KDM1A: variants seen among roughly 807,000 people sequenced by gnomAD.
KDM1A encodes the protein lysine-specific histone demethylase 1A.
In KDM1A, 49 loss-of-function variants were observed where a neutral mutation model predicts 109.4. The ratio of observed to expected loss-of-function variants is 0.45; its 90% CI spans 0.36 to 0.57. KDM1A has a LOEUF of 0.57. Ranked by LOEUF, KDM1A falls within the 20% of genes least tolerant of loss-of-function variation. KDM1A has a pLI of 0.00. For missense variants in KDM1A, 668 were observed against 1,116.6 expected (o/e 0.60, Z 5.73); for synonymous variants, 380 against 415.4 (o/e 0.91, Z 1.04).
intron 2 of KDM1A, among the ~76,000 whole-genome samples, chr1:23,042,628 A>G (rs61333895): frequency 0.065 from 9,629 of 147,802 alleles, 982 homozygotes; most frequent in African/African-American, 0.22. Flanking sequence ...AATTTTTTGT[A>G]TTTTTAGTAG....
chr1:23,053,458 T>C (rs1283952566), intron 4 of KDM1A, among the ~76,000 whole-genome samples: 1 of 152,210 alleles, frequency 6.6e-6, no homozygotes, highest in Non-Finnish European at 1.5e-5. Flanking sequence ...CGATCATGGC[T>C]CACTGCAGCC....
intron 1 of KDM1A, among the ~76,000 whole-genome samples, chr1:23,022,655 T>C (rs1464804589): frequency 9.2e-5 from 12 of 130,732 alleles, no homozygotes; most frequent in African/African-American, 3.2e-4. Context: ...CTTCTTTTTT[T>C]TTTTTTTTTT....
intron 1 of KDM1A, among the ~76,000 whole-genome samples, chr1:23,027,423 T>G (rs1641839535): frequency 6.7e-6 from 1 of 148,304 alleles, no homozygotes; most frequent in Non-Finnish European, 1.5e-5. Flanking sequence ...CTTTTTTTTT[T>G]TTTTTTTTGA....
chr1:23,073,419 TG>T lies in KDM1A; in HGVS notation c.1734+17del. On this transcript the variant is annotated intron_variant, in intron 15 of 20. Transcript: ENST00000400181. Reference sequence around the variant, plus strand: ...CTGGGATCAGGTAAGTTTCCCTTATTGTTTATTTTATTGCACATGCCTTTGA... The same window carrying T: ...CTGGGATCAGGTAAGTTTCCCTTATTTTTATTTTATTGCACATGCCTTTGA... The T allele has an allele frequency of 7.3e-7, 1 of 1,377,836 alleles. No individual in the cohort carries two copies. Among genetic ancestry groups the T allele is most frequent in the Middle Eastern group, 1.8e-4 (1 of 5,652 alleles). 85.4% of individuals were successfully genotyped at this position (1,377,836 alleles called of 1,614,324 possible).
At chr1:23,032,521 A>AT (rs1199074769) in intron 2 of KDM1A, among the ~76,000 whole-genome samples, 2 of 152,124 alleles carry the variant, frequency 1.3e-5, no homozygotes, top group Admixed American at 1.3e-4. Context: ...GGACGTTAAA[A>AT]TTTTAAGTTG....
chr1:23,029,161 G>T (rs1641899949), intron 1 of KDM1A, among the ~76,000 whole-genome samples: 1 of 151,966 alleles, frequency 6.6e-6, no homozygotes, highest in African/African-American at 2.4e-5. Context: ...TATAAAAACA[G>T]CTGGCCATCT....
Position 23,030,621 on chromosome 1 carries a change from T to C in KDM1A, c.504T>C (p.Pro168=). The C allele has an allele frequency of 6.4e-7, 1 of 1,562,452 alleles. No individual in the cohort carries two copies. Among genetic ancestry groups the C allele is most frequent in the Non-Finnish European group, 8.6e-7 (1 of 1,160,666 alleles). ...APPEEENESE[P]EEPSGQAGGL... ...CTGAGGAAGAAAATGAAAGTGAGCC[T>C]GAAGAACCATCGGGTGAGTTGTAGT... The change falls in exon 2 of 21, where the codon CCT becomes CCC. Residue 168 remains proline (P), a synonymous_variant. Transcript: ENST00000400181.
At chr1:23,064,726 G>A (rs1218787450) in intron 9 of KDM1A, among the ~76,000 whole-genome samples, 2 of 152,170 alleles carry the variant, frequency 1.3e-5, no homozygotes, top group Non-Finnish European at 2.9e-5. Flanking sequence ...CTGCATGGGC[G>A]AGACACACAG....
chr1:23,073,523 G>A, intron 15 of KDM1A, 120 bp downstream of exon 15: 1 of 645,794 alleles, frequency 1.5e-6, no homozygotes, highest in Non-Finnish European at 2.8e-6. Flanking sequence ...TTTACATACA[G>A]TGAAATTCAC....
intron 1 of KDM1A, 26 bp downstream of exon 1, chr1:23,019,973 G>A (rs1641567913): frequency 6.8e-7 from 1 of 1,480,712 alleles, no homozygotes; most frequent in Non-Finnish European, 8.9e-7. Flanking sequence ...TCCCTCAAAC[G>A]ACACCGCCTG....
At chr1:23,029,101 G>A (rs987877329) in intron 1 of KDM1A, among the ~76,000 whole-genome samples, 7 of 151,672 alleles carry the variant, frequency 4.6e-5, no homozygotes, top group African/African-American at 1.2e-4. Flanking sequence ...CCAGTCCCCC[G>A]CCCCCAAATC....
At chr1:23,069,535 G>A (rs1643258038) in intron 12 of KDM1A, among the ~76,000 whole-genome samples, 3 of 152,160 alleles carry the variant, frequency 2.0e-5, no homozygotes, top group Admixed American at 1.3e-4. Context: ...TCAGTGTTTT[G>A]AGAAAATTTA....
intron 10 of KDM1A, among the ~76,000 whole-genome samples, chr1:23,067,312 CT>C (rs1193858907): frequency 6.6e-6 from 1 of 152,166 alleles, no homozygotes. Context: ...AGTCCTCTTT[CT>C]TTTTGGGGGC....
intron 6 of KDM1A, 23 bp downstream of exon 6, chr1:23,055,184 A>G (rs777589851): frequency 6.9e-7 from 1 of 1,451,350 alleles, no homozygotes; most frequent in East Asian, 2.3e-5. Context: ...TACCTGGCTG[A>G]TAAATTTTAC....
chr1:23,050,240 A>G, intron 3 of KDM1A, 147 bp from the exon 4 acceptor site: 1 of 684,674 alleles, frequency 1.5e-6, no homozygotes, highest in Non-Finnish European at 2.2e-6. Context: ...TAAGTGGCTA[A>G]TATCTAAGGA....
At chr1:23,058,184 G>A (rs1349213670) in intron 8 of KDM1A, among the ~76,000 whole-genome samples, 2 of 152,082 alleles carry the variant, frequency 1.3e-5, no homozygotes, top group African/African-American at 4.8e-5. Flanking sequence ...GGGCCACCAT[G>A]CTTGGTTAAT....
intron 14 of KDM1A, among the ~76,000 whole-genome samples, chr1:23,072,544 C>CT (rs1447170036): frequency 2.0e-5 from 3 of 152,198 alleles, no homozygotes; most frequent in African/African-American, 7.2e-5. Context: ...GGGTATTATA[C>CT]TTTATTTCCA....
intron 2 of KDM1A, among the ~76,000 whole-genome samples, chr1:23,044,125 C>A (rs1374728995): frequency 6.6e-6 from 1 of 152,078 alleles, no homozygotes; most frequent in Non-Finnish European, 1.5e-5. Flanking sequence ...ATCCATTTTC[C>A]CCCATCCAGA....
chr1:23,046,757 T>A (rs1419139478), intron 3 of KDM1A, among the ~76,000 whole-genome samples: 1 of 152,234 alleles, frequency 6.6e-6, no homozygotes, highest in East Asian at 1.9e-4. Flanking sequence ...GCAGTTCTGC[T>A]TTAGAGTGAC....
Sources: gnomAD v4.1 joint callset for allele counts (sites outside exome capture counted in the v4.1 genomes callset) on GRCh38, gnomAD v4.1.1 for gene constraint, MANE v1.5 for transcripts, NCBI Gene and HGNC (gene_info 2026-07-23, HGNC 2026-07-21) for gene names.